The following DOCK4 variants were observed in gnomAD, a reference collection of about 807,000 sequenced individuals.
DOCK4 encodes dedicator of cytokinesis 4, also known as dedicator of cytokinesis protein 4.
In DOCK4, 97 loss-of-function variants were observed where a neutral mutation model predicts 268.1. The observed-to-expected ratio is 0.36, with a 90% CI of 0.31 to 0.43. The LOEUF (loss-of-function observed/expected upper bound fraction) is 0.43, where lower values mean the gene tolerates loss of function less well. Among genes scored for constraint, DOCK4 ranks in the 20% least tolerant of loss-of-function variants. The pLI is 1.00. For synonymous variants in DOCK4, 954 were observed against 887.2 expected (o/e 1.08, Z -1.34); for missense variants, 2,145 against 2,455.7 (o/e 0.87, Z 2.67).
At chr7:111,934,158 C>G (rs1305623528) in intron 12 of DOCK4, among the ~76,000 whole-genome samples, 1 of 152,234 alleles carries the variant, frequency 6.6e-6, no homozygotes, top group African/African-American at 2.4e-5. Flanking sequence ...AAGCACATGA[C>G]TGCATACTTT....
chr7:112,045,123 T>C (rs1421173225), intron 1 of DOCK4, among the ~76,000 whole-genome samples: 2 of 152,136 alleles, frequency 1.3e-5, no homozygotes, highest in Non-Finnish European at 2.9e-5. Flanking sequence ...CTCCTGCCAT[T>C]TTCCCCTTCC....
intron 1 of DOCK4, among the ~76,000 whole-genome samples, chr7:112,116,349 C>T (rs1812171534): frequency 6.6e-6 from 1 of 152,154 alleles, no homozygotes; most frequent in African/African-American, 2.4e-5. Context: ...GTACTTCATT[C>T]CTTTTTATGG....
chr7:111,994,248 G>GA lies in DOCK4; in HGVS notation c.219-18dup, dbSNP rs775942343. 1.3e-6 allele frequency: 2 copies of GA among 1,511,626 alleles called. No homozygotes were observed. Among genetic ancestry groups the GA allele is most frequent in the African/African-American group, 2.8e-5 (2 of 71,722 alleles). The allele number at this position is 1,511,626 out of a possible 1,614,324, so 93.6% of individuals were successfully genotyped here. ...TCAAATTGTCTGTGAAATTAAAAAAGAAAAAGTATATATGTAAATACCATA... is the reference window on the plus strand; with the variant it reads ...TCAAATTGTCTGTGAAATTAAAAAAGAAAAAAGTATATATGTAAATACCATA... On this transcript the variant is annotated splice_polypyrimidine_tract_variant and intron_variant, in intron 4 of 52. Coordinates refer to ENST00000428084, the MANE Select transcript of DOCK4 (RefSeq NM_001363540.2).
chr7:111,886,651 C>T (rs965472462), intron 16 of DOCK4, among the ~76,000 whole-genome samples: 1 of 151,964 alleles, frequency 6.6e-6, no homozygotes, highest in African/African-American at 2.4e-5. Context: ...TTAAAGGCAC[C>T]GGGGAATAAA....
chr7:112,108,828 C>T (rs948062368), intron 1 of DOCK4, among the ~76,000 whole-genome samples: 2 of 152,174 alleles, frequency 1.3e-5, no homozygotes, highest in African/African-American at 4.8e-5. Context: ...CAAATGGACA[C>T]TGAAAGTGAA....
rs1048851356 is a variant in DOCK4 at position 111,853,714 on chromosome 7, C to G, written c.2474-6588G>C. On this transcript the variant is annotated intron_variant, in intron 23 of 52. Coordinates refer to ENST00000428084, the MANE Select transcript of DOCK4 (RefSeq NM_001363540.2). ...GGCTTTAATCCCACCCTGAATGCCTCCACCTCAGGCATCCTTCCTAAAGCA... is the reference window on the plus strand; with the variant it reads ...GGCTTTAATCCCACCCTGAATGCCTGCACCTCAGGCATCCTTCCTAAAGCA... Among the ~76,000 whole-genome samples the G allele has an allele frequency of 5.3e-5, 8 of 152,254 alleles. No homozygotes were observed. In the East Asian group the frequency reaches 1.2e-3, roughly 22 times the overall value.
intron 44 of DOCK4, among the ~76,000 whole-genome samples, chr7:111,742,765 G>A (rs576337497): frequency 2.0e-5 from 3 of 152,196 alleles, no homozygotes; most frequent in Admixed American, 1.3e-4. Context: ...AGGCCAAGGC[G>A]GGTTGATCAC....
At chr7:112,084,833 T>C (rs1217349384) in intron 1 of DOCK4, among the ~76,000 whole-genome samples, 1 of 152,096 alleles carries the variant, frequency 6.6e-6, no homozygotes, top group Admixed American at 6.6e-5. Context: ...TGACCGGCTT[T>C]CTGCTGGGTG....
At chr7:112,032,172 T>C (rs1001939344) in intron 1 of DOCK4, among the ~76,000 whole-genome samples, 1 of 152,166 alleles carries the variant, frequency 6.6e-6, no homozygotes, top group Non-Finnish European at 1.5e-5. Flanking sequence ...TACATCATCT[T>C]GGAGGAAAAG....
chr7:112,083,277 C>T (rs557690228), intron 1 of DOCK4, among the ~76,000 whole-genome samples: 11 of 151,918 alleles, frequency 7.2e-5, no homozygotes, highest in Non-Finnish European at 7.4e-5. Flanking sequence ...ATCACAATTG[C>T]CTCAGGCTCT....
At chr7:112,086,260 G>C (rs1372533701) in intron 1 of DOCK4, among the ~76,000 whole-genome samples, 9 of 152,134 alleles carry the variant, frequency 5.9e-5, no homozygotes, top group Middle Eastern at 3.4e-3. Context: ...GGGAAATCCA[G>C]AAAAACTAGC....
intron 1 of DOCK4, among the ~76,000 whole-genome samples, chr7:112,093,054 A>T (rs1014773905): frequency 6.6e-6 from 1 of 152,178 alleles, no homozygotes; most frequent in Non-Finnish European, 1.5e-5. Context: ...ATTTGGGGGC[A>T]TGTGGAGATA....
At chr7:111,968,967 A>AT (rs1392030782) in intron 8 of DOCK4, among the ~76,000 whole-genome samples, 12 of 92,770 alleles carry the variant, frequency 1.3e-4, no homozygotes, top group Admixed American at 2.2e-4. Context: ...AGAACAAAAA[A>AT]CCAAACACCG....
chr7:112,066,694 T>TAC (rs1426965698), intron 1 of DOCK4, among the ~76,000 whole-genome samples: 9 of 11,292 alleles, frequency 8.0e-4, no homozygotes, highest in Non-Finnish European at 2.2e-3. Flanking sequence ...CATATACATA[T>TAC]ATATATATAT....
chr7:111,747,591 G>A, intron 42 of DOCK4, 148 bp from the exon 43 acceptor site: 1 of 748,550 alleles, frequency 1.3e-6, no homozygotes, highest in East Asian at 2.7e-5. Flanking sequence ...AATAGACAAG[G>A]ATGTGGAAGT....
chr7:111,838,639 A>G lies in DOCK4; in HGVS notation c.2737-3953T>C, dbSNP rs149241127. 1.5e-3 allele frequency among the ~76,000 whole-genome samples: 224 copies of G among 152,298 alleles called. 3 individuals carry two copies. Among genetic ancestry groups the G allele is most frequent in the African/African-American group, 5.2e-3 (217 of 41,572 alleles). On this transcript the variant is annotated intron_variant, in intron 25 of 52. Coordinates refer to ENST00000428084, the MANE Select transcript of DOCK4 (RefSeq NM_001363540.2). The stretch of plus-strand genomic sequence containing the variant: ...TTCCATTCATATCAAATTCTAAAAA[A>G]TGTAAACTTATGTACAGTAATAGAT...
intron 1 of DOCK4, among the ~76,000 whole-genome samples, chr7:112,091,610 C>A (rs144367350): frequency 6.6e-6 from 1 of 152,092 alleles, no homozygotes; most frequent in Admixed American, 6.6e-5. Flanking sequence ...CAGCACTATA[C>A]CTGGATGCAG....
At chr7:111,739,277 T>A in intron 48 of DOCK4, 34 bp from the exon 49 acceptor site, 1 of 1,600,086 alleles carries the variant, frequency 6.2e-7, no homozygotes, top group South Asian at 1.1e-5. Context: ...ATCATCAGCA[T>A]GGTAGTGGTG....
In DOCK4 at chr7:111,735,423, G is replaced by T. The variant is rs187308735; in HGVS notation, c.5306-256C>A. 4.6e-5 allele frequency among the ~76,000 whole-genome samples: 7 copies of T among 152,300 alleles called. No homozygotes were observed. The East Asian group carries it at 1.4e-3, about 29-fold the overall frequency. ...GAACTACAAATCTTTACACTGGGGT[G>T]TAAAACTTGCTGAGAATTACAAATG... is the stretch of plus-strand genomic sequence containing the variant. On this transcript the variant is annotated intron_variant, in intron 50 of 52. Coordinates refer to ENST00000428084, the MANE Select transcript of DOCK4 (RefSeq NM_001363540.2).
Sources: allele counts gnomAD v4.1 joint callset (sites outside exome capture counted in the v4.1 genomes callset), GRCh38; gene constraint gnomAD v4.1.1; transcripts MANE v1.5; gene names NCBI Gene and HGNC (gene_info 2026-07-23, HGNC 2026-07-21).